Variants in SMIM14 observed in about 807,000 individuals in gnomAD.
SMIM14 encodes chromosome 4 open reading frame 34.
A neutral mutation model predicts 12.6 loss-of-function variants in SMIM14; 5 were observed. That is an observed-to-expected ratio of 0.40 (90% CI 0.21 to 0.83). The LOEUF is 0.83. Among genes scored for constraint, SMIM14 ranks in the 40% least tolerant of loss-of-function variants. The pLI is 0.37. For missense variants in SMIM14, 86 were observed against 119.1 expected (o/e 0.72, Z 1.29); for synonymous variants, 30 against 40.1 (o/e 0.75, Z 0.95).
chr4:39,598,995 T>TTC, intron 2 of SMIM14, among the ~76,000 whole-genome samples: 1 of 152,224 alleles, frequency 6.6e-6, no homozygotes, highest in East Asian at 1.9e-4. Context: ...AATCCTAGTC[T>TTC]TCTTTCTTGG....
intron 2 of SMIM14, among the ~76,000 whole-genome samples, chr4:39,590,211 C>T (rs1416907251): frequency 4.6e-5 from 7 of 151,570 alleles, no homozygotes; most frequent in African/African-American, 1.2e-4. Flanking sequence ...GTTGGGAGTT[C>T]GAGACCAGCC....
chr4:39,620,751 G>A lies in SMIM14; in HGVS notation c.-35-15571C>T, dbSNP rs117575531. ...AATTCACTTTTATGTGGGAAGTGGTGAGTAAGTCCTGATGACCCTGTGTTA... is the reference window on the plus strand; with the variant it reads ...AATTCACTTTTATGTGGGAAGTGGTAAGTAAGTCCTGATGACCCTGTGTTA... On this transcript the variant is annotated intron_variant, in intron 1 of 4. Transcript: ENST00000295958. Among the ~76,000 whole-genome samples, 321 of 152,318 alleles carry A rather than the reference G, an allele frequency of 2.1e-3. 6 individuals are homozygous for A. The East Asian group carries it at 0.047, about 22-fold the overall frequency.
At chr4:39,608,462 G>T (rs1349672286) in intron 1 of SMIM14, among the ~76,000 whole-genome samples, 1 of 152,222 alleles carries the variant, frequency 6.6e-6, no homozygotes, top group Non-Finnish European at 1.5e-5. Flanking sequence ...GGGATATTCA[G>T]CTGTAAAAAG....
intron 2 of SMIM14, among the ~76,000 whole-genome samples, chr4:39,600,796 G>A (rs760367598): frequency 8.6e-5 from 13 of 151,516 alleles, no homozygotes; most frequent in Non-Finnish European, 1.8e-4. Flanking sequence ...GCTTGAACCC[G>A]GGAGGCGGAC....
chr4:39,616,469 T>C lies in SMIM14; in HGVS notation c.-35-11289A>G, dbSNP rs1715229291. ...AACTTGGGAGTTTCTGACTCTTGCT[T>C]CTCAGACTCCATTGTGCTAACAGAC... On this transcript the variant is annotated intron_variant, in intron 1 of 4. Transcript: ENST00000295958. 2.0e-5 allele frequency among the ~76,000 whole-genome samples: 3 copies of C among 152,150 alleles called. No homozygotes were observed. The South Asian group carries it at 6.2e-4, about 32-fold the overall frequency.
intron 3 of SMIM14, among the ~76,000 whole-genome samples, chr4:39,569,760 A>AAAGAAATT (rs1349990774): frequency 1.6e-4 from 25 of 152,046 alleles, no homozygotes; most frequent in Non-Finnish European, 3.5e-4. Context: ...AAAAAGAAAA[A>AAAGAAATT]AAGAAATTAT....
At chr4:39,580,342 GGTT>G (rs1713432897) in intron 2 of SMIM14, among the ~76,000 whole-genome samples, 6 of 151,744 alleles carry the variant, frequency 4.0e-5, no homozygotes, top group African/African-American at 4.8e-5. Context: ...ACCAACACCC[GGTT>G]TTTAAATTTT....
Position 39,552,086 on chromosome 4 carries a change from G to T in SMIM14, c.*40C>A, listed in dbSNP as rs773137568. ...TCTGGTCATCTTCGTTCGTTTGGTC[G>T]TGCAAGGTGTTAACTATTTTCACTT... On this transcript the variant is annotated 3_prime_UTR_variant, in exon 5 of 5. Transcript: ENST00000295958. The T allele has an allele frequency of 3.2e-6, 5 of 1,556,586 alleles. No individual in the cohort carries two copies. The highest frequency in any genetic ancestry group is 4.4e-6 in the Non-Finnish European group (5 of 1,148,028).
chr4:39,581,720 C>T (rs1472499044), intron 2 of SMIM14, among the ~76,000 whole-genome samples: 1 of 151,040 alleles, frequency 6.6e-6, no homozygotes, highest in Non-Finnish European at 1.5e-5. Flanking sequence ...ACAACCACCA[C>T]ACCTGGCTGT....
chr4:39,630,011 G>A (rs989955051), intron 1 of SMIM14, among the ~76,000 whole-genome samples: 2 of 152,162 alleles, frequency 1.3e-5, no homozygotes, highest in Non-Finnish European at 2.9e-5. Flanking sequence ...GTACCAGTTT[G>A]TTAAAGATGA....
intron 1 of SMIM14, among the ~76,000 whole-genome samples, chr4:39,610,021 G>C (rs151315970): frequency 1.1e-4 from 17 of 152,212 alleles, no homozygotes; most frequent in Non-Finnish European, 2.2e-4. Flanking sequence ...GACAGTGTCT[G>C]GCTCTGTCAC....
chr4:39,638,601 G>C, intron 1 of SMIM14, 138 bp downstream of exon 1: 1 of 978,184 alleles, frequency 1.0e-6, no homozygotes, highest in Non-Finnish European at 1.2e-6. Flanking sequence ...GCCCGGCCGA[G>C]GAAACGCCAA....
intron 2 of SMIM14, among the ~76,000 whole-genome samples, chr4:39,591,860 C>T (rs1326679511): frequency 1.3e-5 from 2 of 152,166 alleles, no homozygotes; most frequent in Non-Finnish European, 2.9e-5. Flanking sequence ...GCCACCCCAC[C>T]CGGCCCTATA....
intron 1 of SMIM14, among the ~76,000 whole-genome samples, chr4:39,612,693 C>CA (rs1201595179): frequency 6.6e-6 from 1 of 152,178 alleles, no homozygotes; most frequent in Non-Finnish European, 1.5e-5. Context: ...CTCGACTTGC[C>CA]AGGCTCCAGC....
intron 2 of SMIM14, among the ~76,000 whole-genome samples, chr4:39,591,094 T>C (rs1169421189): frequency 1.3e-5 from 2 of 152,068 alleles, no homozygotes; most frequent in Non-Finnish European, 2.9e-5. Flanking sequence ...TTACATACAA[T>C]CTATGAACAT....
rs950815459 is a variant in SMIM14, at chr4:39,548,064, C to T, written c.*4062G>A. ...GGGATTACAGGCATGTGCCACCACA[C>T]CAGGCTACTTTTGTATTTTTAGTGG... On this transcript the variant is annotated 3_prime_UTR_variant, in exon 5 of 5. Coordinates refer to ENST00000295958, the MANE Select transcript of SMIM14 (RefSeq NM_174921.3). The T allele has an allele frequency of 5.9e-5, 9 of 152,064 alleles. No individual in the cohort carries two copies. Among genetic ancestry groups the T allele is most frequent in the African/African-American group, 2.2e-4 (9 of 41,364 alleles). 9.4% of individuals were successfully genotyped at this position (152,064 alleles called of 1,614,324 possible).
At chr4:39,606,202 T>A (rs1315771231) in intron 1 of SMIM14, among the ~76,000 whole-genome samples, 1 of 151,846 alleles carries the variant, frequency 6.6e-6, no homozygotes, top group African/African-American at 2.4e-5. Context: ...AAAAATTAGC[T>A]GGGCATGGTG....
intron 1 of SMIM14, among the ~76,000 whole-genome samples, chr4:39,619,838 GTA>G (rs1343757448): frequency 9.3e-6 from 1 of 107,084 alleles, no homozygotes; most frequent in Admixed American, 1.3e-4. Context: ...ATATATAAAT[GTA>G]TATATATATT....
intron 4 of SMIM14, among the ~76,000 whole-genome samples, chr4:39,555,512 C>A (rs926410271): frequency 6.6e-6 from 1 of 152,160 alleles, no homozygotes; most frequent in African/African-American, 2.4e-5. Context: ...GGATTGCAGG[C>A]GTGAGCCACA....
Sources: allele counts gnomAD v4.1 joint callset (sites outside exome capture counted in the v4.1 genomes callset), GRCh38; gene constraint gnomAD v4.1.1; transcripts MANE v1.5; gene names NCBI Gene and HGNC (gene_info 2026-07-23, HGNC 2026-07-21).